The following ARL15 variants were observed in gnomAD, a reference collection of about 807,000 sequenced individuals.
ARL15 encodes ARF like GTPase 15, also known as ADP-ribosylation factor-like protein 15.
ARL15 carries 19 observed loss-of-function variants against 25.2 expected under a neutral mutation model. That is an observed-to-expected ratio of 0.75 (90% CI 0.53 to 1.10). ARL15 has a LOEUF of 1.10. Ranked by LOEUF, ARL15 falls within the 50% of genes least tolerant of loss-of-function variation. The pLI, the probability that ARL15 is intolerant of heterozygous loss-of-function variation, is 0.00. For synonymous variants in ARL15, 94 were observed against 86.8 expected (o/e 1.08, Z -0.46); for missense variants, 220 against 246.0 (o/e 0.89, Z 0.71).
rs13168658 is a variant in ARL15, at chr5:54,193,760, G to A, written c.49-21832C>T. On this transcript the variant is annotated intron_variant, in intron 1 of 4. Transcript: ENST00000504924. ...TTTTTTCCAGAACTGTAACTACTTC[G>A]ACTTATGTACTCTGCCTAGCACATC... 3.1e-3 allele frequency among the ~76,000 whole-genome samples: 442 copies of A among 143,198 alleles called. 2 individuals are homozygous for A. The highest frequency in any genetic ancestry group is 3.6e-3 in the Middle Eastern group (1 of 274). The allele number at this position is 143,198 out of a possible 152,430, so 93.9% of individuals were successfully genotyped here. A position where few individuals can be genotyped will look rare whatever the true frequency, so the allele number is the denominator to read the frequency against.
chr5:54,101,898 A>C lies in ARL15; in HGVS notation c.462+11304T>G, dbSNP rs1298359342. Among the ~76,000 whole-genome samples, 8 of 152,182 alleles carry C rather than the reference A, an allele frequency of 5.3e-5. No individual in the cohort carries two copies. The East Asian group carries it at 1.5e-3, about 29-fold the overall frequency. On this transcript the variant is annotated intron_variant, in intron 4 of 4. Coordinates refer to ENST00000504924, the MANE Select transcript of ARL15 (RefSeq NM_019087.3). ...ATTGGTATCCAAAATATGCAGAAAC[A>C]TGTATTTCCATATTCATGGCTGTCT... is the stretch of plus-strand genomic sequence containing the variant.
chr5:53,996,844 C>A, intron 4 of ARL15, among the ~76,000 whole-genome samples: 1 of 152,144 alleles, frequency 6.6e-6, no homozygotes, highest in Non-Finnish European at 1.5e-5. Context: ...ACACCTTACA[C>A]CTGTACCTTA....
intron 4 of ARL15, among the ~76,000 whole-genome samples, chr5:54,092,334 G>T (rs1186634844): frequency 1.3e-5 from 2 of 151,838 alleles, no homozygotes; most frequent in Non-Finnish European, 2.9e-5. Flanking sequence ...TATGGAATTA[G>T]ATGCTCCATC....
intron 1 of ARL15, among the ~76,000 whole-genome samples, chr5:54,295,402 C>T (rs547763947): frequency 6.6e-6 from 1 of 152,112 alleles, no homozygotes; most frequent in Admixed American, 6.5e-5. Context: ...AAAATTGCAG[C>T]CTACATCCAC....
intron 4 of ARL15, among the ~76,000 whole-genome samples, chr5:54,070,775 G>A (rs951297668): frequency 2.0e-5 from 3 of 152,084 alleles, no homozygotes; most frequent in Non-Finnish European, 4.4e-5. Flanking sequence ...AACCCAGGAG[G>A]TGGAGGTTGC....
chr5:54,209,921 A>G (rs1755988850), intron 1 of ARL15, among the ~76,000 whole-genome samples: 1 of 152,196 alleles, frequency 6.6e-6, no homozygotes, highest in Non-Finnish European at 1.5e-5. Flanking sequence ...TTCTCTTCAA[A>G]ATATAAAGAT....
chr5:54,168,315 T>G (rs549752334), intron 2 of ARL15, among the ~76,000 whole-genome samples: 1 of 152,264 alleles, frequency 6.6e-6, no homozygotes, highest in African/African-American at 2.4e-5. Context: ...GGATCACTGT[T>G]GGATGTCTTG....
chr5:54,309,954 G>A (rs1758852529), intron 1 of ARL15, among the ~76,000 whole-genome samples: 1 of 152,228 alleles, frequency 6.6e-6, no homozygotes, highest in Non-Finnish European at 1.5e-5. Context: ...CACGACCGAG[G>A]TCATAGCTTT....
intron 2 of ARL15, among the ~76,000 whole-genome samples, chr5:54,164,937 C>T (rs1025958184): frequency 2.0e-5 from 3 of 151,730 alleles, no homozygotes; most frequent in African/African-American, 7.3e-5. Context: ...TTCTTGTTCC[C>T]CTTTTCTTCT....
chr5:53,886,903 AGT>A (rs1398231075), intron 4 of ARL15, among the ~76,000 whole-genome samples, 190 bp from the exon 5 acceptor site: 5 of 152,024 alleles, frequency 3.3e-5, no homozygotes, highest in Non-Finnish European at 4.4e-5. Context: ...GTGACCTGGG[AGT>A]GTTTTCTTTA....
chr5:54,014,633 G>C (rs769000337), intron 4 of ARL15, among the ~76,000 whole-genome samples: 94 of 151,696 alleles, frequency 6.2e-4, no homozygotes, highest in Non-Finnish European at 1.2e-3. Context: ...CTATTCTCCT[G>C]TCTCAGCCTC....
At chr5:54,136,807 T>C (rs530689360) in intron 3 of ARL15, among the ~76,000 whole-genome samples, 2 of 152,056 alleles carry the variant, frequency 1.3e-5, no homozygotes, top group African/African-American at 4.8e-5. Flanking sequence ...TACAAATCCA[T>C]AGTACTGCCA....
chr5:53,891,840 C>T (rs974954043), intron 4 of ARL15, among the ~76,000 whole-genome samples: 3 of 152,182 alleles, frequency 2.0e-5, no homozygotes, highest in East Asian at 3.9e-4. Flanking sequence ...CTGTCCTGAA[C>T]GAGACTGGAG....
intron 1 of ARL15, among the ~76,000 whole-genome samples, chr5:54,299,730 T>C (rs1758566742): frequency 6.6e-6 from 1 of 151,706 alleles, no homozygotes; most frequent in Non-Finnish European, 1.5e-5. Flanking sequence ...GCTGGGACTA[T>C]AGGTGTGCAC....
chr5:54,172,025 T>C (rs1181567195), intron 1 of ARL15, 97 bp from the exon 2 acceptor site: 5 of 1,404,890 alleles, frequency 3.6e-6, no homozygotes, highest in East Asian at 4.8e-5. Context: ...TAAGAGGTAA[T>C]TGAATAAAGT....
At chr5:54,219,862 T>C (rs1167678279) in intron 1 of ARL15, among the ~76,000 whole-genome samples, 1 of 152,178 alleles carries the variant, frequency 6.6e-6, no homozygotes. Context: ...TATGGCAAAA[T>C]CTAGAACTAA....
At chr5:54,093,115 T>G (rs577921467) in intron 4 of ARL15, among the ~76,000 whole-genome samples, 1 of 152,278 alleles carries the variant, frequency 6.6e-6, no homozygotes, top group South Asian at 2.1e-4. Flanking sequence ...GCTTTGATGT[T>G]AAAGATGCAG....
intron 4 of ARL15, among the ~76,000 whole-genome samples, chr5:53,909,762 A>T (rs1413398806): frequency 6.6e-6 from 1 of 152,170 alleles, no homozygotes; most frequent in African/African-American, 2.4e-5. Flanking sequence ...ACATGAACAC[A>T]TCAAAAAGAG....
intron 4 of ARL15, among the ~76,000 whole-genome samples, chr5:54,031,200 AAGAC>A (rs772715473): frequency 2.6e-5 from 4 of 152,194 alleles, no homozygotes; most frequent in Admixed American, 6.5e-5. Context: ...TTTTAATACT[AAGAC>A]AGACATTTAA....
Sources: allele counts gnomAD v4.1 joint callset (sites outside exome capture counted in the v4.1 genomes callset), GRCh38; gene constraint gnomAD v4.1.1; transcripts MANE v1.5; gene names NCBI Gene and HGNC (gene_info 2026-07-23, HGNC 2026-07-21).